DOCK4: variants seen among roughly 807,000 people sequenced by gnomAD.
DOCK4 encodes the protein dedicator of cytokinesis protein 4.
Under a neutral mutation model 268.1 loss-of-function variants are expected in DOCK4, and 97 were observed. The ratio of observed to expected loss-of-function variants is 0.36; its 90% CI spans 0.31 to 0.43. DOCK4 has a LOEUF of 0.43. DOCK4 is among the 20% of genes least tolerant of loss of function. The pLI, the probability that DOCK4 is intolerant of heterozygous loss-of-function variation, is 1.00. For missense variants in DOCK4, 2,145 were observed against 2,455.7 expected (o/e 0.87, Z 2.67); for synonymous variants, 954 against 887.2 (o/e 1.08, Z -1.34).
In DOCK4 at chr7:111,741,537, T is replaced by A; in HGVS notation, c.4919+3A>T. On this transcript the variant is annotated splice_donor_region_variant and intron_variant, in intron 46 of 52. Coordinates refer to ENST00000428084, the MANE Select transcript of DOCK4 (RefSeq NM_001363540.2). ...TTGTAAGATAATTTGGAATATGACT[T>A]ACCTGCGTCTAGGAATTACCCTGGT... 6.2e-7 allele frequency: 1 copy of A among 1,612,558 alleles called. No homozygotes were observed. The highest frequency in any genetic ancestry group is 8.5e-7 in the Non-Finnish European group (1 of 1,179,330).
At chr7:111,957,336 C>T (rs930953518) in intron 8 of DOCK4, among the ~76,000 whole-genome samples, 23 of 152,062 alleles carry the variant, frequency 1.5e-4, no homozygotes, top group Non-Finnish European at 2.4e-4. Flanking sequence ...ATATTGGGCA[C>T]CATACAAAAG....
chr7:111,868,245 T>A, intron 21 of DOCK4, 91 bp from the exon 22 acceptor site: 2 of 1,030,514 alleles, frequency 1.9e-6, no homozygotes, highest in Non-Finnish European at 2.7e-6. Flanking sequence ...GGTATGGCAT[T>A]AAACTTTTAC....
chr7:112,026,398 T>TC (rs1008529374), intron 1 of DOCK4, among the ~76,000 whole-genome samples: 5 of 151,868 alleles, frequency 3.3e-5, no homozygotes, highest in Admixed American at 2.6e-4. Context: ...TCCTGAAACA[T>TC]CCCCCCCACT....
At position 111,984,374 on chromosome 7, in the gene DOCK4, G is replaced by T. The variant is rs761095317; in HGVS notation, c.481C>A (p.Leu161Met). Residue 161 changes from leucine to methionine, a missense_variant, in exon 7 of 53, where the codon CTG becomes ATG. Physicochemically the swap from Leu to Met is conservative, Grantham distance 15. Transcript: ENST00000428084. The stretch of plus-strand genomic sequence containing the variant: ...ATTGCGTACTCTTTCCTAGGCACCA[G>T]GTCCAGTCCCAGTTGTCTAGAAAAC... Reference protein sequence around the residue: ...DWGNEQLGLDLVPRKEYAMVD... With the variant: ...DWGNEQLGLDMVPRKEYAMVD... The T allele has an allele frequency of 6.2e-7, 1 of 1,613,156 alleles. No individual in the cohort carries two copies.
intron 23 of DOCK4, among the ~76,000 whole-genome samples, chr7:111,854,053 C>G (rs117005842): frequency 2.6e-5 from 4 of 151,828 alleles, no homozygotes; most frequent in Admixed American, 6.6e-5. Context: ...GCCTCAGCCT[C>G]GGGACTAGCT....
chr7:111,728,046 C>T lies in DOCK4; in HGVS notation c.*228G>A, dbSNP rs1186501719. On this transcript the variant is annotated 3_prime_UTR_variant, in exon 53 of 53. Transcript: ENST00000428084. Reference sequence around the variant, plus strand: ...AGTCTTTATCACTATTTACCACTTCCAAATGAGAAACGTTTTAATGAAATT... The same window carrying T: ...AGTCTTTATCACTATTTACCACTTCTAAATGAGAAACGTTTTAATGAAATT... The T allele has an allele frequency of 7.4e-6, 3 of 403,502 alleles. No individual in the cohort carries two copies. Among genetic ancestry groups the T allele is most frequent in the African/African-American group, 6.2e-5 (3 of 48,638 alleles). The allele number at this position is 403,502 out of a possible 1,614,324, so 25.0% of individuals were successfully genotyped here. A position where few individuals can be genotyped will look rare whatever the true frequency, so the allele number is the denominator to read the frequency against.
intron 23 of DOCK4, among the ~76,000 whole-genome samples, chr7:111,855,990 G>C (rs991509823): frequency 6.6e-6 from 1 of 152,148 alleles, no homozygotes; most frequent in African/African-American, 2.4e-5. Context: ...GCTTAAACAG[G>C]AAGAGTGAGG....
chr7:112,017,349 GTAAC>G (rs1052710597), intron 1 of DOCK4, among the ~76,000 whole-genome samples: 5 of 152,222 alleles, frequency 3.3e-5, no homozygotes, highest in African/African-American at 7.2e-5. Flanking sequence ...GTTGGAATCA[GTAAC>G]TAAATTCTGA....
chr7:112,123,551 A>G (rs1377380397), intron 1 of DOCK4, among the ~76,000 whole-genome samples: 1 of 152,226 alleles, frequency 6.6e-6, no homozygotes, highest in Non-Finnish European at 1.5e-5. Flanking sequence ...TCAAGCAAAG[A>G]ACAGATTCTG....
intron 43 of DOCK4, 125 bp from the exon 44 acceptor site, chr7:111,746,542 T>C: frequency 1.4e-6 from 1 of 700,592 alleles, no homozygotes; most frequent in South Asian, 1.8e-5. Flanking sequence ...TTGGGACAGA[T>C]GGGCTGATTA....
At chr7:111,862,290 C>T (rs1259493052) in intron 23 of DOCK4, among the ~76,000 whole-genome samples, 1 of 151,768 alleles carries the variant, frequency 6.6e-6, no homozygotes, top group Admixed American at 6.6e-5. Context: ...CAGAGCAAGA[C>T]TCTGTCTCAA....
chr7:111,827,015 A>C (rs1163717748), intron 26 of DOCK4, among the ~76,000 whole-genome samples: 3 of 152,198 alleles, frequency 2.0e-5, no homozygotes, highest in Non-Finnish European at 4.4e-5. Context: ...CATAAAACAA[A>C]GCATCATGAG....
chr7:111,937,833 G>A (rs1794865793), intron 11 of DOCK4, among the ~76,000 whole-genome samples: 1 of 152,130 alleles, frequency 6.6e-6, no homozygotes, highest in Admixed American at 6.5e-5. Flanking sequence ...GGCAACATGG[G>A]GCAAGTTATT....
intron 26 of DOCK4, among the ~76,000 whole-genome samples, chr7:111,832,070 G>T (rs2134014268): frequency 6.6e-6 from 1 of 152,244 alleles, no homozygotes; most frequent in South Asian, 2.1e-4. Flanking sequence ...TACATAAACT[G>T]GGAAATACAC....
At chr7:111,989,313 T>A in intron 5 of DOCK4, 150 bp from the exon 6 acceptor site, 1 of 978,606 alleles carries the variant, frequency 1.0e-6, no homozygotes, top group Non-Finnish European at 1.5e-6. Context: ...AACTGTTCGC[T>A]CACTATCCTC....
intron 1 of DOCK4, among the ~76,000 whole-genome samples, chr7:112,037,835 A>G (rs141370668): frequency 1.3e-5 from 2 of 152,256 alleles, no homozygotes; most frequent in Admixed American, 1.3e-4. Context: ...CATAGGGTCT[A>G]TATCATTTTA....
At chr7:112,196,740 T>G in intron 1 of DOCK4, among the ~76,000 whole-genome samples, 1 of 152,156 alleles carries the variant, frequency 6.6e-6, no homozygotes, top group African/African-American at 2.4e-5. Flanking sequence ...ACCAATAGGT[T>G]TTTTTCTCTT....
At chr7:112,204,014 G>C (rs1821169245) in intron 1 of DOCK4, among the ~76,000 whole-genome samples, 1 of 152,100 alleles carries the variant, frequency 6.6e-6, no homozygotes, top group African/African-American at 2.4e-5. Context: ...CTCTGCTCTC[G>C]TCCTTCATCT....
chr7:111,965,080 G>A lies in DOCK4; in HGVS notation c.701+12052C>T, dbSNP rs1221652621. Among the ~76,000 whole-genome samples the A allele has an allele frequency of 4.1e-4, 36 of 88,176 alleles. 3 individuals are homozygous for A. The highest frequency in any genetic ancestry group is 7.4e-4 in the African/African-American group (9 of 12,182). 57.8% of individuals were successfully genotyped at this position (88,176 alleles called of 152,430 possible). A position where few individuals can be genotyped will look rare whatever the true frequency, so the allele number is the denominator to read the frequency against. On this transcript the variant is annotated intron_variant, in intron 8 of 52. Coordinates refer to ENST00000428084, the MANE Select transcript of DOCK4 (RefSeq NM_001363540.2). ...GCGCTAAACATGGAAAGGAACAACC[G>A]GTACCAGCCGCTGCAAAATCATGCC... is the stretch of plus-strand genomic sequence containing the variant.
Sources: allele counts gnomAD v4.1 joint callset (sites outside exome capture counted in the v4.1 genomes callset), GRCh38; gene constraint gnomAD v4.1.1; transcripts MANE v1.5; gene names NCBI Gene and HGNC (gene_info 2026-07-23, HGNC 2026-07-21).